Variants in WWOX observed in about 807,000 individuals in gnomAD.
The protein encoded by WWOX is WW domain containing oxidoreductase.
In WWOX, 69 loss-of-function variants were observed where a neutral mutation model predicts 46.2. The ratio of observed to expected loss-of-function variants is 1.49; its 90% CI spans 1.23 to 1.82. The LOEUF is 1.82. WWOX is among the 40% of genes most tolerant of loss of function. WWOX has a pLI of 0.00. For missense variants in WWOX, 919 were observed against 542.6 expected (o/e 1.69, Z -6.89); for synonymous variants, 359 against 202.6 (o/e 1.77, Z -6.56).
At chr16:78,795,285 A>G (rs1418285414) in intron 8 of WWOX, among the ~76,000 whole-genome samples, 1 of 152,174 alleles carries the variant, frequency 6.6e-6, no homozygotes, top group Non-Finnish European at 1.5e-5. Context: ...TATATAATTT[A>G]CTCAGGATTT....
chr16:79,196,031 C>G (rs1025546685), intron 8 of WWOX, among the ~76,000 whole-genome samples: 4 of 152,194 alleles, frequency 2.6e-5, no homozygotes, highest in African/African-American at 9.7e-5. Context: ...TGACGCTTCT[C>G]ATGCAATTTA....
chr16:78,971,195 C>A (rs1210380069), intron 8 of WWOX, among the ~76,000 whole-genome samples: 1 of 151,948 alleles, frequency 6.6e-6, no homozygotes, highest in African/African-American at 2.4e-5. Flanking sequence ...GCACGGTGGC[C>A]TACACCTGTA....
chr16:78,179,083 G>C (rs2035445303), intron 5 of WWOX, among the ~76,000 whole-genome samples: 1 of 152,116 alleles, frequency 6.6e-6, no homozygotes, highest in Non-Finnish European at 1.5e-5. Flanking sequence ...CATCCTCAAA[G>C]ACTTGCCAAC....
In WWOX at chr16:79,211,927, C is replaced by CAACAGAGTGAAAAATCTT. The variant is rs1275027753; in HGVS notation, c.*134_*151dup. ...AGAGTAAAGGAAATAAGAGCAGTCACAACAGAGTGAAAAATCTTAAGTACC... is the reference window on the plus strand; with the variant it reads ...AGAGTAAAGGAAATAAGAGCAGTCACAACAGAGTGAAAAATCTTAACAGAGTGAAAAATCTTAAGTACC... On this transcript the variant is annotated 3_prime_UTR_variant, in exon 9 of 9. Transcript: ENST00000566780. 6.5e-7 allele frequency: 1 copy of CAACAGAGTGAAAAATCTT among 1,539,394 alleles called. No homozygotes were observed. Among genetic ancestry groups the CAACAGAGTGAAAAATCTT allele is most frequent in the Admixed American group, 2.0e-5 (1 of 51,072 alleles).
intron 5 of WWOX, among the ~76,000 whole-genome samples, chr16:78,373,932 G>A (rs902176475): frequency 2.0e-5 from 3 of 151,956 alleles, no homozygotes; most frequent in East Asian, 1.9e-4. Context: ...CATTAAATAC[G>A]TGTGCCACCA....
At chr16:78,445,918 A>C (rs2083550259) in intron 8 of WWOX, among the ~76,000 whole-genome samples, 1 of 151,946 alleles carries the variant, frequency 6.6e-6, no homozygotes, top group African/African-American at 2.4e-5. Context: ...AAGAAGAGAA[A>C]CAGCTTTACT....
chr16:78,619,858 G>A (rs760467508), intron 8 of WWOX, among the ~76,000 whole-genome samples: 16 of 151,966 alleles, frequency 1.1e-4, no homozygotes, highest in Non-Finnish European at 2.4e-4. Context: ...TGATTGCACC[G>A]TTGTACTCCA....
At chr16:78,308,519 G>A (rs1567490387) in intron 5 of WWOX, among the ~76,000 whole-genome samples, 1 of 152,132 alleles carries the variant, frequency 6.6e-6, no homozygotes. Flanking sequence ...TCACTTTGCA[G>A]ATAGCAGGCA....
chr16:78,691,069 T>A (rs2550664), intron 8 of WWOX, among the ~76,000 whole-genome samples: 3 of 152,208 alleles, frequency 2.0e-5, no homozygotes, highest in Non-Finnish European at 2.9e-5. Context: ...CTTCATAAAA[T>A]GTATTAATGA....
chr16:78,683,812 T>G (rs991250701), intron 8 of WWOX, among the ~76,000 whole-genome samples: 4 of 152,244 alleles, frequency 2.6e-5, no homozygotes, highest in Admixed American at 2.6e-4. Flanking sequence ...CTCATCAAGA[T>G]GTATGTAATT....
intron 8 of WWOX, among the ~76,000 whole-genome samples, chr16:78,548,367 A>G (rs1366153675): frequency 6.6e-6 from 1 of 152,096 alleles, no homozygotes; most frequent in Non-Finnish European, 1.5e-5. Flanking sequence ...GATTGCTTAG[A>G]AAATAAATGT....
chr16:78,428,771 G>T (rs1271932755), intron 7 of WWOX, among the ~76,000 whole-genome samples: 2 of 152,226 alleles, frequency 1.3e-5, no homozygotes, highest in African/African-American at 4.8e-5. Flanking sequence ...TACTCAGGAA[G>T]CTGAGGCAGG....
In WWOX at chr16:78,108,590, C is replaced by G. The variant is rs73562780; in HGVS notation, c.172+103C>G. ...GGTTATTGTGTGTTTAGGGAGGGCT[C>G]TCTGGTAGAGAACCAGACTCCCACT... is the stretch of plus-strand genomic sequence containing the variant. On this transcript the variant is annotated intron_variant, in intron 2 of 8. Transcript: ENST00000566780. 4.3e-3 allele frequency: 5,722 copies of G among 1,326,042 alleles called. 200 individuals are homozygous for G. In the African/African-American group the frequency reaches 0.073, roughly 17 times the overall value. The allele number at this position is 1,326,042 out of a possible 1,614,324, so 82.1% of individuals were successfully genotyped here.
At chr16:78,505,749 C>A (rs569173083) in intron 8 of WWOX, among the ~76,000 whole-genome samples, 51 of 152,290 alleles carry the variant, frequency 3.3e-4, no homozygotes, top group African/African-American at 1.1e-3. Flanking sequence ...TGGAAGAAAC[C>A]CCAAGCATTT....
At chr16:78,289,216 T>C (rs2079820530) in intron 5 of WWOX, among the ~76,000 whole-genome samples, 1 of 152,120 alleles carries the variant, frequency 6.6e-6, no homozygotes, top group African/African-American at 2.4e-5. Flanking sequence ...ATGTTCAAGT[T>C]GAATAAATGA....
At chr16:78,583,839 C>G (rs1033390954) in intron 8 of WWOX, among the ~76,000 whole-genome samples, 17 of 152,310 alleles carry the variant, frequency 1.1e-4, no homozygotes, top group East Asian at 1.9e-4. Flanking sequence ...AATTGAGCCT[C>G]TCAGGTGAAG....
intron 8 of WWOX, chr16:79,203,824 T>G (rs566133125): frequency 2.4e-4 from 37 of 152,336 alleles, no homozygotes; most frequent in African/African-American, 8.4e-4. Flanking sequence ...TATTTTGGTG[T>G]AGATGGCGAA....
chr16:79,001,534 G>A (rs1400407831), intron 8 of WWOX, among the ~76,000 whole-genome samples: 1 of 152,114 alleles, frequency 6.6e-6, no homozygotes, highest in African/African-American at 2.4e-5. Context: ...AGTACATTTT[G>A]CCCATAGAGA....
Position 79,086,698 on chromosome 16 carries a change from T to C in WWOX, c.1057-124910T>C, listed in dbSNP as rs114576839. ...GAGTTTGAGACCTGCTTGGGCAACA[T>C]AGGGAGACTCTGTCTCTACAAAAAA... On this transcript the variant is annotated intron_variant, in intron 8 of 8. Coordinates refer to ENST00000566780, the MANE Select transcript of WWOX (RefSeq NM_016373.4). Among the ~76,000 whole-genome samples, 507 of 152,112 alleles carry C rather than the reference T, an allele frequency of 3.3e-3. 2 individuals carry two copies. Among genetic ancestry groups the C allele is most frequent in the African/African-American group, 0.011 (459 of 41,516 alleles).
Sources: allele counts gnomAD v4.1 joint callset (sites outside exome capture counted in the v4.1 genomes callset), GRCh38; gene constraint gnomAD v4.1.1; transcripts MANE v1.5; gene names NCBI Gene and HGNC (gene_info 2026-07-23, HGNC 2026-07-21).